FHIT: variants seen among roughly 807,000 people sequenced by gnomAD.
FHIT encodes the protein fragile histidine triad diadenosine triphosphatase.
FHIT carries 19 observed loss-of-function variants against 17.9 expected under a neutral mutation model. The observed-to-expected ratio is 1.06, with a 90% CI of 0.74 to 1.56. FHIT has a LOEUF of 1.56. Among genes scored for constraint, FHIT ranks in the 40% most tolerant of loss-of-function variants. The pLI, the probability that FHIT is intolerant of heterozygous loss-of-function variation, is 0.00. For synonymous variants in FHIT, 81 were observed against 69.7 expected, an observed-to-expected ratio of 1.16 and a Z score of -0.81; for missense variants, 248 against 189.2, an observed-to-expected ratio of 1.31 and a Z score of -1.82.
chr3:60,994,083 C>T (rs12489758), intron 3 of FHIT, among the ~76,000 whole-genome samples: 3,611 of 152,018 alleles, frequency 0.024, 121 homozygotes, highest in Admixed American at 0.096. Context: ...CTGTACATGC[C>T]GAAATGATAA....
At chr3:59,752,881 T>G (rs1439283047) in intron 8 of FHIT, among the ~76,000 whole-genome samples, 7 of 152,086 alleles carry the variant, frequency 4.6e-5, no homozygotes. Flanking sequence ...TCCTTATAAA[T>G]TACCCAGCCC....
At chr3:59,846,460 T>C (rs1023043367) in intron 8 of FHIT, among the ~76,000 whole-genome samples, 1 of 152,118 alleles carries the variant, frequency 6.6e-6, no homozygotes, top group African/African-American at 2.4e-5. Context: ...AAACATCAAC[T>C]AATAATTTTT....
At chr3:60,029,903 G>GTGTGTGTC (rs1553655766) in intron 5 of FHIT, among the ~76,000 whole-genome samples, 5 of 145,878 alleles carry the variant, frequency 3.4e-5, no homozygotes, top group Non-Finnish European at 6.0e-5. Flanking sequence ...GTGTCTGTGT[G>GTGTGTGTC]TGTGTGTGTG....
intron 2 of FHIT, among the ~76,000 whole-genome samples, chr3:61,198,619 C>G (rs1161686944): frequency 1.3e-5 from 2 of 152,138 alleles, no homozygotes; most frequent in African/African-American, 2.4e-5. Flanking sequence ...TTTCTCAAGA[C>G]TATTAACTAG....
At chr3:60,476,209 T>G (rs1487624715) in intron 5 of FHIT, among the ~76,000 whole-genome samples, 2 of 152,110 alleles carry the variant, frequency 1.3e-5, no homozygotes, top group Admixed American at 6.6e-5. Context: ...GTGTAAAATA[T>G]AAATAAAAAT....
intron 4 of FHIT, among the ~76,000 whole-genome samples, chr3:60,590,590 C>T (rs1489556347): frequency 6.6e-6 from 1 of 152,106 alleles, no homozygotes; most frequent in Non-Finnish European, 1.5e-5. Flanking sequence ...TGCCTTGCAG[C>T]GGGGAATTAC....
chr3:60,234,194 C>T (rs1479502359), intron 5 of FHIT, among the ~76,000 whole-genome samples: 1 of 152,072 alleles, frequency 6.6e-6, no homozygotes, highest in Admixed American at 6.6e-5. Context: ...ACAATTAAAG[C>T]TGTGTACATA....
At chr3:59,832,685 T>G (rs1412450741) in intron 8 of FHIT, among the ~76,000 whole-genome samples, 1 of 152,176 alleles carries the variant, frequency 6.6e-6, no homozygotes, top group African/African-American at 2.4e-5. Context: ...AAATGAGAAA[T>G]AAATATTTGT....
intron 4 of FHIT, among the ~76,000 whole-genome samples, chr3:60,709,063 T>A (rs368144609): frequency 3.2e-4 from 48 of 152,304 alleles, no homozygotes; most frequent in South Asian, 1.7e-3. Flanking sequence ...GGTCTCAGGA[T>A]CCATTTCCAC....
chr3:60,770,337 C>T (rs1455540105), intron 4 of FHIT, among the ~76,000 whole-genome samples: 3 of 151,804 alleles, frequency 2.0e-5, no homozygotes, highest in South Asian at 2.1e-4. Flanking sequence ...AAATTTGTCT[C>T]GCGTGGCTGC....
intron 7 of FHIT, among the ~76,000 whole-genome samples, chr3:59,926,934 C>A (rs1399832623): frequency 6.6e-6 from 1 of 152,150 alleles, no homozygotes; most frequent in Non-Finnish European, 1.5e-5. Context: ...AAAAGTTGAA[C>A]ATGGAGTTAC....
intron 5 of FHIT, among the ~76,000 whole-genome samples, chr3:60,423,212 T>C (rs1396085340): frequency 3.3e-5 from 5 of 152,140 alleles, no homozygotes; most frequent in Non-Finnish European, 7.4e-5. Context: ...GAGTAGAGTA[T>C]AGATGGTAGA....
At chr3:60,141,912 T>G (rs1357705827) in intron 5 of FHIT, among the ~76,000 whole-genome samples, 1 of 152,198 alleles carries the variant, frequency 6.6e-6, no homozygotes, top group Non-Finnish European at 1.5e-5. Context: ...GTTTTCTGTT[T>G]AAACTGTAGT....
chr3:59,947,079 T>C (rs1361230396), intron 7 of FHIT, among the ~76,000 whole-genome samples: 1 of 152,186 alleles, frequency 6.6e-6, no homozygotes, highest in Non-Finnish European at 1.5e-5. Context: ...ATAGTTTCAG[T>C]GGGAATAGTA....
intron 2 of FHIT, among the ~76,000 whole-genome samples, chr3:61,161,820 G>A (rs1423463369): frequency 3.3e-5 from 5 of 152,190 alleles, no homozygotes; most frequent in Non-Finnish European, 5.9e-5. Flanking sequence ...AAACAGTCGT[G>A]AAATTGCCAT....
chr3:60,613,230 T>A (rs969606705), intron 4 of FHIT, among the ~76,000 whole-genome samples: 16 of 152,266 alleles, frequency 1.1e-4, no homozygotes, highest in African/African-American at 3.8e-4. Context: ...CCAAAATTTG[T>A]GGCATTTCCA....
chr3:60,201,562 CA>C (rs1204751547), intron 5 of FHIT, among the ~76,000 whole-genome samples: 1 of 152,086 alleles, frequency 6.6e-6, no homozygotes, highest in Non-Finnish European at 1.5e-5. Context: ...TTTCTCTCTG[CA>C]AAATGGAAGG....
At chr3:59,954,959 C>A (rs1240132892) in intron 7 of FHIT, among the ~76,000 whole-genome samples, 1 of 152,166 alleles carries the variant, frequency 6.6e-6, no homozygotes, top group African/African-American at 2.4e-5. Flanking sequence ...AAAACAAAAT[C>A]AGCAGTACTG....
At chr3:60,461,472 T>C (rs950517635) in intron 5 of FHIT, among the ~76,000 whole-genome samples, 1 of 152,200 alleles carries the variant, frequency 6.6e-6, no homozygotes, top group African/African-American at 2.4e-5. Context: ...GTTCTCATTG[T>C]CATAATTAAA....
Sources: allele counts gnomAD v4.1 joint callset (sites outside exome capture counted in the v4.1 genomes callset), GRCh38; gene constraint gnomAD v4.1.1; transcripts MANE v1.5; gene names NCBI Gene and HGNC (gene_info 2026-07-23, HGNC 2026-07-21).